The following RBFOX1 variants were observed in gnomAD, a reference collection of about 807,000 sequenced individuals.
RBFOX1 encodes the protein RNA binding protein fox-1 homolog 1.
A neutral mutation model predicts 57.7 loss-of-function variants in RBFOX1; 8 were observed. The observed-to-expected ratio is 0.14, with a 90% CI of 0.08 to 0.25. The LOEUF is 0.25. Among genes scored for constraint, RBFOX1 ranks in the 10% least tolerant of loss-of-function variants. The pLI is 1.00. For missense variants in RBFOX1, 611 were observed against 548.5 expected, an observed-to-expected ratio of 1.11 and a Z score of -1.14; for synonymous variants, 326 against 222.4, an observed-to-expected ratio of 1.47 and a Z score of -4.15.
At chr16:5,987,517 G>A (rs2060306433) in intron 4 of RBFOX1, among the ~76,000 whole-genome samples, 2 of 152,096 alleles carry the variant, frequency 1.3e-5, no homozygotes, top group Non-Finnish European at 2.9e-5. Flanking sequence ...TTACACTTAA[G>A]GTTGTGATCT....
intron 4 of RBFOX1, among the ~76,000 whole-genome samples, chr16:7,193,387 A>T (rs1449953013): frequency 6.6e-6 from 1 of 152,252 alleles, no homozygotes; most frequent in African/African-American, 2.4e-5. Flanking sequence ...CCTTAATTGT[A>T]GCTGGATGAG....
intron 4 of RBFOX1, among the ~76,000 whole-genome samples, chr16:7,184,204 A>T (rs184433286): frequency 1.6e-4 from 25 of 152,316 alleles, no homozygotes; most frequent in Non-Finnish European, 3.2e-4. Flanking sequence ...AGTGGAGAGA[A>T]GGAAGTGGAG....
At chr16:5,660,068 C>G (rs939551453) in intron 3 of RBFOX1, among the ~76,000 whole-genome samples, 1 of 152,064 alleles carries the variant, frequency 6.6e-6, no homozygotes, top group African/African-American at 2.4e-5. Context: ...GTTAGACCAA[C>G]GGGGTTCAAG....
chr16:5,465,409 G>C (rs533740393), intron 1 of RBFOX1, among the ~76,000 whole-genome samples: 5 of 152,118 alleles, frequency 3.3e-5, no homozygotes, highest in African/African-American at 1.2e-4. Flanking sequence ...AGTCAATTAC[G>C]TTCAGAAGTC....
chr16:7,246,269 G>T (rs2094294556), intron 4 of RBFOX1, among the ~76,000 whole-genome samples: 2 of 152,224 alleles, frequency 1.3e-5, no homozygotes, highest in South Asian at 4.2e-4. Flanking sequence ...CTAATCCAAT[G>T]CAATCCAATT....
intron 1 of RBFOX1, among the ~76,000 whole-genome samples, chr16:5,462,066 C>G (rs935303923): frequency 6.6e-6 from 1 of 152,104 alleles, no homozygotes; most frequent in African/African-American, 2.4e-5. Context: ...ATCACTGGCA[C>G]TAAAGATTAC....
intron 3 of RBFOX1, among the ~76,000 whole-genome samples, chr16:5,685,491 C>G (rs973551656): frequency 2.6e-5 from 4 of 152,342 alleles, no homozygotes; most frequent in East Asian, 1.9e-4. Context: ...GTGTTCTTCT[C>G]TGATGGTCAA....
chr16:6,260,687 G>A (rs1380131307), intron 1 of RBFOX1, among the ~76,000 whole-genome samples: 1 of 152,128 alleles, frequency 6.6e-6, no homozygotes, highest in Non-Finnish European at 1.5e-5. Context: ...AGGCCAGCCT[G>A]GCCAACATGG....
chr16:6,423,062 A>G (rs147351210), intron 2 of RBFOX1, among the ~76,000 whole-genome samples: 30 of 152,284 alleles, frequency 2.0e-4, no homozygotes, highest in African/African-American at 7.0e-4. Context: ...GCCACCGCTG[A>G]TGGGCAGCTA....
At chr16:7,513,762 G>C (rs1475296852) in intron 4 of RBFOX1, among the ~76,000 whole-genome samples, 1 of 152,194 alleles carries the variant, frequency 6.6e-6, no homozygotes, top group African/African-American at 2.4e-5. Flanking sequence ...AGGAGAAGGG[G>C]CTGCTTTTCA....
At chr16:5,570,180 T>A (rs191842986) in intron 2 of RBFOX1, among the ~76,000 whole-genome samples, 9 of 152,280 alleles carry the variant, frequency 5.9e-5, no homozygotes, top group Non-Finnish European at 1.2e-4. Flanking sequence ...GCTCACTCTC[T>A]CTTTTTTTTC....
chr16:5,293,287 A>G (rs112828621), intron 1 of RBFOX1, among the ~76,000 whole-genome samples: 2 of 152,224 alleles, frequency 1.3e-5, no homozygotes, highest in African/African-American at 4.8e-5. Flanking sequence ...CATGAAGCAT[A>G]TTAGCTGGCT....
chr16:6,601,619 T>TC (rs2097854307), intron 2 of RBFOX1, among the ~76,000 whole-genome samples: 1 of 152,140 alleles, frequency 6.6e-6, no homozygotes, highest in Non-Finnish European at 1.5e-5. Context: ...CCCAGTCCAA[T>TC]CCTTGGGACT....
At chr16:7,500,962 G>A (rs1600137512) in intron 4 of RBFOX1, among the ~76,000 whole-genome samples, 1 of 152,258 alleles carries the variant, frequency 6.6e-6, no homozygotes, top group Non-Finnish European at 1.5e-5. Context: ...CTTTCCCCCT[G>A]CTTTGCTCGG....
At chr16:6,575,765 G>T (rs903017979) in intron 2 of RBFOX1, among the ~76,000 whole-genome samples, 2 of 151,602 alleles carry the variant, frequency 1.3e-5, no homozygotes, top group South Asian at 4.2e-4. Flanking sequence ...GCTGAGGCAG[G>T]AGAATCGCTT....
At chr16:6,863,153 A>G (rs1196118104) in intron 3 of RBFOX1, among the ~76,000 whole-genome samples, 2 of 152,130 alleles carry the variant, frequency 1.3e-5, no homozygotes, top group Non-Finnish European at 2.9e-5. Context: ...CAGGGGATCA[A>G]AAGTCTAGGT....
chr16:6,919,319 T>G (rs1000128009), intron 3 of RBFOX1, among the ~76,000 whole-genome samples: 2 of 152,138 alleles, frequency 1.3e-5, no homozygotes, highest in Non-Finnish European at 1.5e-5. Flanking sequence ...CAATTCCTAT[T>G]TATCCTGTTT....
At chr16:5,703,938 A>T (rs568115158) in intron 3 of RBFOX1, among the ~76,000 whole-genome samples, 1 of 152,318 alleles carries the variant, frequency 6.6e-6, no homozygotes, top group South Asian at 2.1e-4. Context: ...TCATTATGTG[A>T]ACTATTGCCA....
At chr16:7,078,567 C>A (rs12928386) in intron 4 of RBFOX1, among the ~76,000 whole-genome samples, 1 of 151,838 alleles carries the variant, frequency 6.6e-6, no homozygotes, top group East Asian at 1.9e-4. Flanking sequence ...AGGCTGGTCT[C>A]GAAACCCTGG....
Sources: allele counts gnomAD v4.1 joint callset (sites outside exome capture counted in the v4.1 genomes callset), GRCh38; gene constraint gnomAD v4.1.1; transcripts MANE v1.5; gene names NCBI Gene and HGNC (gene_info 2026-07-23, HGNC 2026-07-21).